TENT2: variants seen among roughly 807,000 people sequenced by gnomAD.
TENT2 encodes the protein poly(A) RNA polymerase GLD2.
Under a neutral mutation model 72.2 loss-of-function variants are expected in TENT2, and 44 were observed. That is an observed-to-expected ratio of 0.61 (90% CI 0.48 to 0.78). The LOEUF is 0.78. Ranked by LOEUF, TENT2 falls within the 30% of genes least tolerant of loss-of-function variation. The pLI is 0.00. For missense variants in TENT2, 541 were observed against 569.6 expected (o/e 0.95, Z 0.51); for synonymous variants, 212 against 192.5 (o/e 1.10, Z -0.84).
At chr5:79,682,136 A>G (rs1447569472) in intron 14 of TENT2, 75 bp downstream of exon 14, 3 of 968,804 alleles carry the variant, frequency 3.1e-6, no homozygotes, top group African/African-American at 3.3e-5. Flanking sequence ...ATACGTGTGT[A>G]GTAGGACAGA....
At chr5:79,629,979 C>G (rs995126231) in intron 4 of TENT2, among the ~76,000 whole-genome samples, 7 of 149,334 alleles carry the variant, frequency 4.7e-5, no homozygotes, top group Non-Finnish European at 7.4e-5. Flanking sequence ...ACTAAAAATA[C>G]AAAAAAATTA....
intron 11 of TENT2, chr5:79,668,607 G>A (rs1305692383): frequency 1.2e-5 from 3 of 253,088 alleles, no homozygotes; most frequent in East Asian, 9.0e-5. Context: ...GTATAGTAAG[G>A]TTTTATTTAT....
intron 4 of TENT2, among the ~76,000 whole-genome samples, chr5:79,627,093 G>A (rs1178846326): frequency 6.7e-6 from 1 of 148,292 alleles, no homozygotes; most frequent in Non-Finnish European, 1.5e-5. Context: ...TCATGCCACT[G>A]CCGTCCAGCC....
intron 12 of TENT2, among the ~76,000 whole-genome samples, chr5:79,672,400 A>G (rs974210094): frequency 2.0e-5 from 3 of 152,208 alleles, no homozygotes; most frequent in African/African-American, 7.2e-5. Context: ...TATCAAATAT[A>G]TATCTTATTC....
rs566909069 is a variant in TENT2, at chr5:79,677,836, G to A, written c.1209-1743G>A. Among the ~76,000 whole-genome samples the A allele has an allele frequency of 4.6e-5, 7 of 152,244 alleles. No homozygotes were observed. The South Asian group carries it at 1.2e-3, about 27-fold the overall frequency. On this transcript the variant is annotated intron_variant, in intron 12 of 14. Transcript: ENST00000453514. ...TTTTTTTAAGATAGGGTCTCACTTTGTCAGTCAGGCTGGAGTGCAGTGGCA... is the reference window on the plus strand; with the variant it reads ...TTTTTTTAAGATAGGGTCTCACTTTATCAGTCAGGCTGGAGTGCAGTGGCA...
At chr5:79,639,804 C>A (rs1782964012) in intron 4 of TENT2, among the ~76,000 whole-genome samples, 1 of 152,052 alleles carries the variant, frequency 6.6e-6, no homozygotes, top group East Asian at 1.9e-4. Flanking sequence ...ATTGTAAAGA[C>A]CACATTATAG....
chr5:79,637,798 CT>C (rs60911107), intron 4 of TENT2, among the ~76,000 whole-genome samples: 1,442 of 122,376 alleles, frequency 0.012, 15 homozygotes, highest in African/African-American at 0.039. Context: ...TCCTCTTTTG[CT>C]TTTTTTTTTT....
chr5:79,651,959 T>C (rs1338730422), intron 10 of TENT2, among the ~76,000 whole-genome samples: 3 of 152,124 alleles, frequency 2.0e-5, no homozygotes, highest in African/African-American at 7.2e-5. Flanking sequence ...TGAACATGTA[T>C]TACAGATGTA....
At chr5:79,652,667 A>T (rs1046045768) in intron 10 of TENT2, among the ~76,000 whole-genome samples, 1 of 152,094 alleles carries the variant, frequency 6.6e-6, no homozygotes, top group African/African-American at 2.4e-5. Flanking sequence ...TAATCTTAAT[A>T]CATGTATTTT....
intron 13 of TENT2, among the ~76,000 whole-genome samples, chr5:79,681,314 C>T (rs1422807975): frequency 1.3e-5 from 2 of 151,746 alleles, no homozygotes; most frequent in Non-Finnish European, 2.9e-5. Flanking sequence ...CGCGCACCAC[C>T]ATGCCCAGCT....
At chr5:79,624,811 A>G (rs547957701) in intron 4 of TENT2, among the ~76,000 whole-genome samples, 1 of 152,188 alleles carries the variant, frequency 6.6e-6, no homozygotes, top group Admixed American at 6.5e-5. Context: ...TCCTCAGCTG[A>G]TGAATTTCTG....
chr5:79,614,752 T>A (rs1758204832), intron 1 of TENT2, among the ~76,000 whole-genome samples: 1 of 152,234 alleles, frequency 6.6e-6, no homozygotes, highest in Admixed American at 6.5e-5. Flanking sequence ...TTATTTCTGT[T>A]ACAGTAATAG....
intron 12 of TENT2, among the ~76,000 whole-genome samples, chr5:79,675,030 G>A (rs754871586): frequency 6.6e-5 from 10 of 152,080 alleles, no homozygotes; most frequent in Non-Finnish European, 1.3e-4. Flanking sequence ...GTGTGGACTC[G>A]AGAAGACAGA....
rs373887353 is a variant in TENT2 at position 79,649,183 on chromosome 5, T to C, written c.1020T>C (p.Tyr340=). The part of the protein sequence containing the change: ...SYSLVLMVLH[Y]LQTLPEPILP... ...GTCTTGTATTGATGGTTTTGCACTA[T>C]TTACAAAGTAAGTATAATGGGGTTT... Residue 340 remains tyrosine (Y), a synonymous_variant, in exon 10 of 15, where the codon TAT becomes TAC. Coordinates refer to ENST00000453514, the MANE Select transcript of TENT2 (RefSeq NM_001114394.3). 6.8e-5 allele frequency: 109 copies of C among 1,612,060 alleles called. No individual in the cohort carries two copies. The highest frequency in any genetic ancestry group is 9.0e-5 in the Non-Finnish European group (106 of 1,178,856).
chr5:79,618,497 G>GTGC (rs1280361381), intron 1 of TENT2, among the ~76,000 whole-genome samples: 1 of 152,046 alleles, frequency 6.6e-6, no homozygotes, highest in East Asian at 1.9e-4. Context: ...GCCTCCCAGA[G>GTGC]TGCTGGGATT....
chr5:79,628,627 G>T (rs955405876), intron 4 of TENT2, among the ~76,000 whole-genome samples: 4 of 152,192 alleles, frequency 2.6e-5, no homozygotes, highest in Admixed American at 6.5e-5. Flanking sequence ...TCAGTGATTT[G>T]ATACTGGGTT....
At chr5:79,615,463 T>C (rs888953119) in intron 1 of TENT2, among the ~76,000 whole-genome samples, 4 of 152,204 alleles carry the variant, frequency 2.6e-5, no homozygotes, top group African/African-American at 9.7e-5. Context: ...TGAATACATA[T>C]TTCTTCCATT....
intron 12 of TENT2, among the ~76,000 whole-genome samples, chr5:79,674,293 A>AT (rs1289602674): frequency 6.6e-6 from 1 of 152,142 alleles, no homozygotes; most frequent in Non-Finnish European, 1.5e-5. Flanking sequence ...GAGGCAGGAG[A>AT]ATCGCTTGAA....
chr5:79,618,320 G>A (rs2149869436), intron 1 of TENT2, among the ~76,000 whole-genome samples: 1 of 152,134 alleles, frequency 6.6e-6, no homozygotes, highest in Admixed American at 6.6e-5. Context: ...TTGACCTCCT[G>A]GACTCAAGCA....
Sources: gnomAD v4.1 joint callset for allele counts (sites outside exome capture counted in the v4.1 genomes callset) on GRCh38, gnomAD v4.1.1 for gene constraint, MANE v1.5 for transcripts, NCBI Gene and HGNC (gene_info 2026-07-23, HGNC 2026-07-21) for gene names.